The following ANK2 variants were observed in gnomAD, a reference collection of about 807,000 sequenced individuals.
The protein encoded by ANK2 is ankyrin-2.
Under a neutral mutation model 360.5 loss-of-function variants are expected in ANK2, and 83 were observed. The observed-to-expected ratio is 0.23, with a 90% CI of 0.19 to 0.28. The LOEUF is 0.28. Ranked by LOEUF, ANK2 falls within the 10% of genes least tolerant of loss-of-function variation. The pLI is 1.00. For synonymous variants in ANK2, 1,740 were observed against 1,759.5 expected (o/e 0.99, Z 0.28); for missense variants, 4,201 against 4,795.7 (o/e 0.88, Z 3.66).
intron 2 of ANK2, among the ~76,000 whole-genome samples, chr4:112,934,910 A>T (rs1014568223): frequency 1.3e-5 from 2 of 152,208 alleles, no homozygotes; most frequent in Admixed American, 6.5e-5. Flanking sequence ...CAGGAAGGTC[A>T]TTCTGATTAG....
chr4:112,842,041 G>T (rs2062203036), intron 1 of ANK2, among the ~76,000 whole-genome samples: 1 of 150,912 alleles, frequency 6.6e-6, no homozygotes, highest in Admixed American at 6.6e-5. Context: ...GGAGCCTCTT[G>T]CTCTGTTGTC....
intron 24 of ANK2, among the ~76,000 whole-genome samples, chr4:113,316,911 T>C (rs1041383790): frequency 6.6e-6 from 1 of 152,206 alleles, no homozygotes; most frequent in Non-Finnish European, 1.5e-5. Context: ...TCAGTGGCCA[T>C]TGGCAATTTG....
At chr4:113,166,847 G>A (rs2097770005) in intron 1 of ANK2, among the ~76,000 whole-genome samples, 3 of 151,898 alleles carry the variant, frequency 2.0e-5, no homozygotes, top group Non-Finnish European at 4.4e-5. Context: ...GAAGAACAGG[G>A]GAGTAATGCT....
At chr4:112,946,906 C>G (rs940795578) in intron 2 of ANK2, among the ~76,000 whole-genome samples, 2 of 152,168 alleles carry the variant, frequency 1.3e-5, no homozygotes, top group African/African-American at 4.8e-5. Context: ...GGTGATTGTG[C>G]TCAGTGGATC....
chr4:113,045,037 A>G (rs2063915977), upstream of ANK2, among the ~76,000 whole-genome samples: 1 of 152,194 alleles, frequency 6.6e-6, no homozygotes, highest in African/African-American at 2.4e-5. Flanking sequence ...GTTTCTGTGA[A>G]AAAATGTTTG....
the ANK2 span, among the ~76,000 whole-genome samples, chr4:112,785,250 A>C: frequency 6.6e-6 from 1 of 152,044 alleles, no homozygotes; most frequent in Non-Finnish European, 1.5e-5. Flanking sequence ...CCTCCCCTTG[A>C]TCCTTAATAT....
rs1563144083 is a variant in ANK2, at chr4:113,246,499, G to A, written c.892-3265G>A. On this transcript the variant is annotated intron_variant, in intron 9 of 45. Coordinates refer to ENST00000357077, the MANE Select transcript of ANK2 (RefSeq NM_001148.6). ...TGTGAAAACGTAAATTTTATAGCTA[G>A]TGAAAATGAAATTATAAATTTAGGC... Among the ~76,000 whole-genome samples the A allele has an allele frequency of 2.6e-5, 4 of 152,052 alleles. No homozygotes were observed. The South Asian group carries it at 8.3e-4, about 31-fold the overall frequency.
chr4:113,002,824 C>G (rs1321043584), intron 2 of ANK2, among the ~76,000 whole-genome samples: 1 of 152,202 alleles, frequency 6.6e-6, no homozygotes, highest in Non-Finnish European at 1.5e-5. Flanking sequence ...TCTCCTCCCA[C>G]TTCCTCTAAG....
intron 1 of ANK2, among the ~76,000 whole-genome samples, chr4:113,079,685 C>G (rs570225642): frequency 5.9e-4 from 89 of 151,648 alleles, no homozygotes; most frequent in Middle Eastern, 6.8e-3. Context: ...TCTCATTTAT[C>G]TGAATCAATG....
At chr4:113,174,338 A>G in intron 1 of ANK2, 78 bp from the exon 2 acceptor site, 1 of 1,239,548 alleles carries the variant, frequency 8.1e-7, no homozygotes, top group South Asian at 1.3e-5. Flanking sequence ...ACTTCAGTGT[A>G]AACATTCTTG....
At chr4:113,154,283 C>A (rs550006284) in intron 1 of ANK2, among the ~76,000 whole-genome samples, 3 of 152,166 alleles carry the variant, frequency 2.0e-5, no homozygotes, top group Non-Finnish European at 2.9e-5. Context: ...ATATAGAGTC[C>A]TTTTATTCAT....
intron 1 of ANK2, among the ~76,000 whole-genome samples, chr4:113,098,306 T>A (rs2092052290): frequency 6.6e-6 from 1 of 151,982 alleles, no homozygotes; most frequent in Non-Finnish European, 1.5e-5. Context: ...GATAAAATTT[T>A]AGTCAAACTA....
chr4:112,880,074 T>TCACACA (rs386401176), intron 1 of ANK2, among the ~76,000 whole-genome samples: 24 of 150,388 alleles, frequency 1.6e-4, no homozygotes, highest in African/African-American at 5.1e-4. Context: ...TCTCTCTCTC[T>TCACACA]CACACACACA....
intron 45 of ANK2, 74 bp downstream of exon 45, chr4:113,373,523 T>C: frequency 1.4e-6 from 2 of 1,453,592 alleles, no homozygotes; most frequent in Non-Finnish European, 1.9e-6. Context: ...ATGAGTGAGA[T>C]TGTTTATTCA....
intron 26 of ANK2, among the ~76,000 whole-genome samples, chr4:113,326,876 T>TG (rs1203542045): frequency 1.3e-5 from 2 of 152,130 alleles, no homozygotes; most frequent in Non-Finnish European, 2.9e-5. Context: ...GCAATGATGC[T>TG]GCCTGTATTC....
At chr4:113,172,429 C>A (rs928547843) in intron 1 of ANK2, among the ~76,000 whole-genome samples, 2 of 152,194 alleles carry the variant, frequency 1.3e-5, no homozygotes, top group South Asian at 4.1e-4. Context: ...AATCTCAGGT[C>A]TTCCACTAAA....
intron 2 of ANK2, among the ~76,000 whole-genome samples, chr4:112,933,221 A>C (rs544794071): frequency 2.6e-5 from 4 of 152,310 alleles, no homozygotes; most frequent in African/African-American, 7.2e-5. Context: ...TACTTTAGCG[A>C]AGTATTAAAA....
chr4:113,075,195 AAGAGT>A (rs1192589117), intron 1 of ANK2, among the ~76,000 whole-genome samples: 3 of 152,368 alleles, frequency 2.0e-5, no homozygotes, highest in Non-Finnish European at 4.4e-5. Flanking sequence ...ATTAATTGAG[AAGAGT>A]AGAGAAGTAC....
At position 113,278,572 on chromosome 4, in the gene ANK2, A is replaced by G. The variant is rs1355206719; in HGVS notation, c.1881+14A>G. ...GCCACTGCCAAGGTGAGGACCACAG[A>G]AAAGGATTTACAGGCATAGGGTGTA... On this transcript the variant is annotated intron_variant, in intron 17 of 45. Transcript: ENST00000357077. 1 of 1,611,764 alleles carries G rather than the reference A, an allele frequency of 6.2e-7. No individual in the cohort carries two copies. The highest frequency in any genetic ancestry group is 1.3e-5 in the African/African-American group (1 of 74,858).
Sources: allele counts gnomAD v4.1 joint callset (sites outside exome capture counted in the v4.1 genomes callset), GRCh38; gene constraint gnomAD v4.1.1; transcripts MANE v1.5; gene names NCBI Gene and HGNC (gene_info 2026-07-23, HGNC 2026-07-21).